The following FAT3 variants were observed in gnomAD, a reference collection of about 807,000 sequenced individuals.
The protein encoded by FAT3 is FAT atypical cadherin 3.
FAT3 carries 95 observed loss-of-function variants against 310.2 expected under a neutral mutation model. The observed-to-expected ratio is 0.31, with a 90% CI of 0.26 to 0.36. FAT3 has a LOEUF of 0.36. Ranked by LOEUF, FAT3 falls within the 10% of genes least tolerant of loss-of-function variation. The pLI is 1.00. For missense variants in FAT3, 5,408 were observed against 5,715.6 expected, an observed-to-expected ratio of 0.95 and a Z score of 1.74; for synonymous variants, 2,314 against 2,192.9, an observed-to-expected ratio of 1.06 and a Z score of -1.54.
At chr11:92,712,102 G>C (rs1359360623) in intron 4 of FAT3, among the ~76,000 whole-genome samples, 1 of 152,176 alleles carries the variant, frequency 6.6e-6, no homozygotes, top group East Asian at 1.9e-4. Context: ...ACAAATTGTA[G>C]TGTAAAAAGA....
chr11:92,280,273 G>T (rs1946387834), intron 1 of FAT3, among the ~76,000 whole-genome samples: 1 of 152,134 alleles, frequency 6.6e-6, no homozygotes, highest in South Asian at 2.1e-4. Context: ...TCTTATAGCA[G>T]CTATGAACAT....
chr11:92,641,495 C>G (rs1941962151), intron 3 of FAT3, among the ~76,000 whole-genome samples: 1 of 152,178 alleles, frequency 6.6e-6, no homozygotes, highest in South Asian at 2.1e-4. Flanking sequence ...GCATTCTTCC[C>G]TGCTTCCTCC....
chr11:92,255,844 A>G (rs1201601671), intron 1 of FAT3, among the ~76,000 whole-genome samples: 1 of 152,150 alleles, frequency 6.6e-6, no homozygotes, highest in Non-Finnish European at 1.5e-5. Context: ...TGTCATTCAT[A>G]TTTCACACTG....
At chr11:92,833,366 T>C (rs1181644417) in intron 14 of FAT3, among the ~76,000 whole-genome samples, 2 of 152,194 alleles carry the variant, frequency 1.3e-5, no homozygotes, top group Non-Finnish European at 2.9e-5. Flanking sequence ...AGGAGGTCCA[T>C]TTTCCTTTGG....
At chr11:92,753,984 C>G (rs1432816242) in intron 4 of FAT3, among the ~76,000 whole-genome samples, 1 of 151,746 alleles carries the variant, frequency 6.6e-6, no homozygotes, top group East Asian at 1.9e-4. Flanking sequence ...ATTTGGAGGA[C>G]TTGGGGGAAG....
intron 3 of FAT3, among the ~76,000 whole-genome samples, chr11:92,636,039 C>G (rs113689819): frequency 2.7e-4 from 41 of 152,278 alleles, no homozygotes; most frequent in African/African-American, 9.9e-4. Flanking sequence ...TCTTGGCTCA[C>G]TGCAACCTCT....
intron 3 of FAT3, among the ~76,000 whole-genome samples, chr11:92,569,611 A>G (rs1426065339): frequency 6.6e-6 from 1 of 152,104 alleles, no homozygotes; most frequent in East Asian, 1.9e-4. Flanking sequence ...GAGCAGAAAC[A>G]CTGGCACTCA....
chr11:92,451,686 G>A (rs1478225521), intron 2 of FAT3, among the ~76,000 whole-genome samples: 1 of 152,128 alleles, frequency 6.6e-6, no homozygotes, highest in Non-Finnish European at 1.5e-5. Context: ...ATTTTTGGTA[G>A]CTCCTATCAT....
chr11:92,605,045 A>G (rs1293379781), intron 3 of FAT3, among the ~76,000 whole-genome samples: 1 of 152,156 alleles, frequency 6.6e-6, no homozygotes, highest in African/African-American at 2.4e-5. Flanking sequence ...TATAAATCTA[A>G]AACAGATTTG....
chr11:92,493,269 C>T (rs1952660212), intron 2 of FAT3, among the ~76,000 whole-genome samples: 1 of 152,058 alleles, frequency 6.6e-6, no homozygotes, highest in Admixed American at 6.6e-5. Context: ...TTGCATTAGA[C>T]CCTCAGATAA....
chr11:92,856,026 G>C (rs1390590797), intron 19 of FAT3, among the ~76,000 whole-genome samples: 3 of 144,730 alleles, frequency 2.1e-5, no homozygotes, highest in African/African-American at 7.6e-5. Context: ...TGTTGCCCAG[G>C]CTAGTGTGCA....
chr11:92,499,975 T>C (rs932869657), intron 2 of FAT3, among the ~76,000 whole-genome samples: 1 of 152,004 alleles, frequency 6.6e-6, no homozygotes, highest in African/African-American at 2.4e-5. Context: ...ATTTCTGATG[T>C]TCAGATTGGG....
intron 19 of FAT3, 33 bp downstream of exon 19, chr11:92,844,765 C>A: frequency 6.8e-7 from 1 of 1,473,686 alleles, no homozygotes; most frequent in Non-Finnish European, 9.1e-7. Flanking sequence ...CCTCTCAACT[C>A]CTGAGATTGT....
chr11:92,320,458 A>G (rs1244641988), intron 1 of FAT3, among the ~76,000 whole-genome samples: 1 of 152,330 alleles, frequency 6.6e-6, no homozygotes, highest in East Asian at 1.9e-4. Flanking sequence ...ATAGGTAACA[A>G]GTTCACTAGT....
intron 3 of FAT3, among the ~76,000 whole-genome samples, chr11:92,529,853 A>C (rs1412941219): frequency 2.6e-5 from 4 of 152,168 alleles, no homozygotes; most frequent in African/African-American, 9.7e-5. Flanking sequence ...ATTTGAGTAG[A>C]GGTGAAGTTC....
At chr11:92,257,860 T>G (rs1314371514) in intron 1 of FAT3, among the ~76,000 whole-genome samples, 1 of 152,122 alleles carries the variant, frequency 6.6e-6, no homozygotes, top group Non-Finnish European at 1.5e-5. Flanking sequence ...TAAAGATATT[T>G]GTTGAGTGGC....
rs1182461219 is a variant in FAT3 at position 92,428,238 on chromosome 11, A to T, written c.3292+72834A>T. Among the ~76,000 whole-genome samples the T allele has an allele frequency of 1.0e-4, 14 of 137,076 alleles. No individual in the cohort carries two copies. In the East Asian group the frequency reaches 1.5e-3, roughly 15 times the overall value. The allele number at this position is 137,076 out of a possible 152,430, so 89.9% of individuals were successfully genotyped here. A position where few individuals can be genotyped will look rare whatever the true frequency, so the allele number is the denominator to read the frequency against. On this transcript the variant is annotated intron_variant, in intron 2 of 27. Coordinates refer to ENST00000525166, the MANE Select transcript of FAT3 (RefSeq NM_001367949.2). The stretch of plus-strand genomic sequence containing the variant: ...TGGTGATATCCCCTTTATCATTTTT[A>T]TTGTGTCTATTTGATTCTTCTCTGT...
At chr11:92,615,730 A>G (rs985226125) in intron 3 of FAT3, among the ~76,000 whole-genome samples, 5 of 152,146 alleles carry the variant, frequency 3.3e-5, no homozygotes, top group African/African-American at 4.8e-5. Context: ...TCATTTCATT[A>G]TGTACCCAGT....
rs757590090 is a variant in FAT3, at chr11:92,792,873, C to T, written c.4718C>T (p.Ala1573Val). 8 of 1,613,692 alleles carry T rather than the reference C, an allele frequency of 5.0e-6. No homozygotes were observed. Among genetic ancestry groups the T allele is most frequent in the East Asian group, 2.2e-5 (1 of 44,880 alleles). ...TATTTTACCAACCCACTGTATGAAGCGTCTGTGTTTGAATCTGCTGCTCTG... is the reference window on the plus strand; with the variant it reads ...TATTTTACCAACCCACTGTATGAAGTGTCTGTGTTTGAATCTGCTGCTCTG... ...SPYFTNPLYE[A>V]SVFESAALGS... Residue 1573 changes from alanine (A) to valine (V), a missense_variant, in exon 9 of 28, where the codon GCG (alanine) becomes GTG (valine). By Grantham distance (64) the Ala-to-Val change is moderately conservative. Around this residue, in one of 5 missense-constraint regions of FAT3, gnomAD observed 4,588 missense variants for 4,809.8 expected, o/e 0.95. Coordinates refer to ENST00000525166, the MANE Select transcript of FAT3 (RefSeq NM_001367949.2).
Sources: gnomAD v4.1 joint callset for allele counts (sites outside exome capture counted in the v4.1 genomes callset) on GRCh38, gnomAD v4.1.1 for gene constraint, gnomAD v4.1.1 regional missense constraint, MANE v1.5 for transcripts, NCBI Gene and HGNC (gene_info 2026-07-23, HGNC 2026-07-21) for gene names.